Variants in EPHB3 observed in about 807,000 individuals in gnomAD.
EPHB3 encodes the protein EPH receptor B3, also known as ephrin type-B receptor 3.
A neutral mutation model predicts 100.2 loss-of-function variants in EPHB3; 33 were observed. That is an observed-to-expected ratio of 0.33 (90% CI 0.25 to 0.44). EPHB3 has a LOEUF of 0.44. EPHB3 is among the 20% of genes least tolerant of loss of function. The pLI is 1.00. For missense variants in EPHB3, 1,045 were observed against 1,378.3 expected (o/e 0.76, Z 3.83); for synonymous variants, 526 against 554.7 (o/e 0.95, Z 0.73).
Position 184,578,539 on chromosome 3 carries a change from C to T in EPHB3, c.1801+73C>T. The T allele has an allele frequency of 6.3e-7, 1 of 1,588,804 alleles. No individual in the cohort carries two copies. Among genetic ancestry groups the T allele is most frequent in the South Asian group, 1.1e-5 (1 of 90,084 alleles). ...GGGCTCTCAGACACCCTTCTCCCTG[C>T]CTGGGACTTCATTCCTTAGAGATAA... On this transcript the variant is annotated intron_variant, in intron 9 of 15. Transcript: ENST00000330394. The surrounding 1 kb of genome is among the most constrained non-coding windows in gnomAD (Gnocchi z 4.7).
At position 184,563,249 on chromosome 3, in the gene EPHB3, G is replaced by A. The variant is rs1714305077; in HGVS notation, c.118+896G>A. Reference sequence around the variant, plus strand: ...GCCCCAACACCAGCCACAAACAATAGGGAGGCCCACACACACTCACGCCCC... The same window carrying A: ...GCCCCAACACCAGCCACAAACAATAAGGAGGCCCACACACACTCACGCCCC... On this transcript the variant is annotated intron_variant, in intron 1 of 15. Coordinates refer to ENST00000330394, the MANE Select transcript of EPHB3 (RefSeq NM_004443.4). This position sits in a 1 kb window ranked among gnomAD's most constrained non-coding sequence, Gnocchi z 4.1. 6.6e-6 allele frequency among the ~76,000 whole-genome samples: 1 copy of A among 152,142 alleles called. No homozygotes were observed. Among genetic ancestry groups the A allele is most frequent in the African/African-American group, 2.4e-5 (1 of 41,430 alleles).
In EPHB3 at chr3:184,573,825, C is replaced by G. The variant is rs1327041218; in HGVS notation, c.856+649C>G. Among the ~76,000 whole-genome samples, 1 of 151,128 alleles carries G rather than the reference C, an allele frequency of 6.6e-6. No individual in the cohort carries two copies. The highest frequency in any genetic ancestry group is 1.5e-5 in the Non-Finnish European group (1 of 67,930). On this transcript the variant is annotated intron_variant, in intron 3 of 15. Coordinates refer to ENST00000330394, the MANE Select transcript of EPHB3 (RefSeq NM_004443.4). This position sits in a 1 kb window ranked among gnomAD's most constrained non-coding sequence, Gnocchi z 4.5. ...CTCCACCTCCCAGGTTCAAACAATT[C>G]TCCTGCCTCAGCCTCCTGAGTAGTT...
Position 184,578,575 on chromosome 3 carries a change from C to A in EPHB3, c.1801+109C>A. 4.3e-6 allele frequency: 6 copies of A among 1,393,442 alleles called. No homozygotes were observed. Among genetic ancestry groups the A allele is most frequent in the Non-Finnish European group, 6.0e-6 (6 of 1,003,620 alleles). The allele number at this position is 1,393,442 out of a possible 1,614,324, so 86.3% of individuals were successfully genotyped here. A position where few individuals can be genotyped will look rare whatever the true frequency, so the allele number is the denominator to read the frequency against. ...ATTCCTTAGAGATAAACCCTGAATG[C>A]CCCCTCCCACTTCCAGTCAAGTGGC... On this transcript the variant is annotated intron_variant, in intron 9 of 15. Transcript: ENST00000330394. The surrounding 1 kb of genome is among the most constrained non-coding windows in gnomAD (Gnocchi z 4.7).
chr3:184,577,100 A>T lies in EPHB3; in HGVS notation c.1271A>T (p.Glu424Val), dbSNP rs569320067. 1.4e-5 allele frequency: 22 copies of T among 1,613,288 alleles called. No homozygotes were observed. The South Asian group carries it at 2.2e-4, about 16-fold the overall frequency. ...HLLAHTRYTF[E>V]VQAVNGVSGK... ...CTGGCCCACACGCGCTACACCTTTGAGGTGCAGGCGGTCAACGGTGTCTCG... is the reference window on the plus strand; with the variant it reads ...CTGGCCCACACGCGCTACACCTTTGTGGTGCAGGCGGTCAACGGTGTCTCG... Residue 424 changes from glutamate (E) to valine (V), a missense_variant, in exon 5 of 16, where the codon GAG becomes GTG. Physicochemically the swap from Glu to Val is moderately radical, Grantham distance 121. This residue lies in a region of EPHB3 where 985 missense variants were observed against 1,331.1 expected (regional missense o/e 0.74). Transcript: ENST00000330394. The surrounding 1 kb of genome is among the most constrained non-coding windows in gnomAD (Gnocchi z 4.9).
At chr3:184,566,409 C>G (rs1420484388) in intron 1 of EPHB3, among the ~76,000 whole-genome samples, 1 of 152,254 alleles carries the variant, frequency 6.6e-6, no homozygotes, top group Non-Finnish European at 1.5e-5. Flanking sequence ...GTTCCCCCCA[C>G]CCCATCCCAG....
chr3:184,564,672 G>A (rs544056446), intron 1 of EPHB3, among the ~76,000 whole-genome samples: 1 of 152,184 alleles, frequency 6.6e-6, no homozygotes, highest in Non-Finnish European at 1.5e-5. Context: ...GGTGCAGGGG[G>A]CTGGGGGTGG....
At chr3:184,575,706 C>T (rs1714657959) in intron 3 of EPHB3, 124 bp from the exon 4 acceptor site, 1 of 1,231,252 alleles carries the variant, frequency 8.1e-7, no homozygotes, top group Non-Finnish European at 1.1e-6. Flanking sequence ...GCATTGCCCC[C>T]ACAGTCTAGG....
rs774211642 is a variant in EPHB3, at chr3:184,577,457, A to T, written c.1469A>T (p.Tyr490Phe). ...GTCATCCTGGACTACGAGATGAAGT[A>T]CTTTGAGAAGGTCAGAACCTCAAGG... Reference protein sequence around the residue: ...NGVILDYEMKYFEKSEGIAST... With the variant: ...NGVILDYEMKFFEKSEGIAST... Residue 490 changes from tyrosine (Y) to phenylalanine (F), a missense_variant, in exon 6 of 16, where the codon TAC (tyrosine) becomes TTC (phenylalanine). Around this residue, in one of 2 missense-constraint regions of EPHB3, gnomAD observed 985 missense variants for 1,331.1 expected, o/e 0.74. Transcript: ENST00000330394. The surrounding 1 kb of genome is among the most constrained non-coding windows in gnomAD (Gnocchi z 4.9). 1.9e-6 allele frequency: 3 copies of T among 1,614,032 alleles called. No individual in the cohort carries two copies. The highest frequency in any genetic ancestry group is 1.7e-4 in the Middle Eastern group (1 of 6,060).
rs1381458799 is a variant in EPHB3 at position 184,568,602 on chromosome 3, CA to C, written c.119-2715del. Among the ~76,000 whole-genome samples the C allele has an allele frequency of 7.8e-3, 1,119 of 143,402 alleles. 7 individuals carry two copies. Among genetic ancestry groups the C allele is most frequent in the African/African-American group, 0.019 (745 of 38,824 alleles). The allele number at this position is 143,402 out of a possible 152,430, so 94.1% of individuals were successfully genotyped here. ...CAGATGGGTTCTATGACCCCCCCCC[CA>C]CATCCCCCTCACCTCCTGCCGAAGG... is the stretch of plus-strand genomic sequence containing the variant. On this transcript the variant is annotated intron_variant, in intron 1 of 15. Coordinates refer to ENST00000330394, the MANE Select transcript of EPHB3 (RefSeq NM_004443.4).
Position 184,580,775 on chromosome 3 carries a change from A to G in EPHB3, c.2435A>G (p.Tyr812Cys). 2 of 1,614,172 alleles carry G rather than the reference A, an allele frequency of 1.2e-6. No individual in the cohort carries two copies. The highest frequency in any genetic ancestry group is 1.7e-6 in the Non-Finnish European group (2 of 1,180,008). ...IRWTAPEAIAYRKFTSASDVW... is the reference protein window; with the variant it reads ...IRWTAPEAIACRKFTSASDVW... ...TGGACTGCCCCAGAGGCCATAGCCT[A>G]TCGGAAGTTCACTTCTGCTAGTGAT... The change falls in exon 13 of 16, where the codon TAT becomes TGT. Residue 812 changes from tyrosine to cysteine, a missense_variant. Physicochemically the swap from Tyr to Cys is radical, Grantham distance 194. Around this residue, in one of 2 missense-constraint regions of EPHB3, gnomAD observed 985 missense variants for 1,331.1 expected, o/e 0.74. Coordinates refer to ENST00000330394, the MANE Select transcript of EPHB3 (RefSeq NM_004443.4).
At position 184,565,146 on chromosome 3, in the gene EPHB3, C is replaced by T. The variant is rs1430502736; in HGVS notation, c.118+2793C>T. On this transcript the variant is annotated intron_variant, in intron 1 of 15. Coordinates refer to ENST00000330394, the MANE Select transcript of EPHB3 (RefSeq NM_004443.4). This position sits in a 1 kb window ranked among gnomAD's most constrained non-coding sequence, Gnocchi z 4.8. Reference sequence around the variant, plus strand: ...CATCAGTTTTCCATGTGGATGGAGCCTGGGTCCTTGCTTGTCCTCGTGGTT... The same window carrying T: ...CATCAGTTTTCCATGTGGATGGAGCTTGGGTCCTTGCTTGTCCTCGTGGTT... 1.3e-5 allele frequency among the ~76,000 whole-genome samples: 2 copies of T among 152,142 alleles called. No individual in the cohort carries two copies. The highest frequency in any genetic ancestry group is 4.8e-5 in the African/African-American group (2 of 41,428).
rs1228704919 is a variant in EPHB3, at chr3:184,571,120, A to G, written c.119-198A>G. On this transcript the variant is annotated intron_variant, in intron 1 of 15. Coordinates refer to ENST00000330394, the MANE Select transcript of EPHB3 (RefSeq NM_004443.4). The surrounding 1 kb of genome is among the most constrained non-coding windows in gnomAD (Gnocchi z 5.0). ...ACAGGCGTGCGCCACCAGCCTGGCT[A>G]ATTTTGTATTTTTAGTAGAGATGGG... Among the ~76,000 whole-genome samples the G allele has an allele frequency of 1.3e-5, 2 of 151,618 alleles. No individual in the cohort carries two copies. Among genetic ancestry groups the G allele is most frequent in the Non-Finnish European group, 2.9e-5 (2 of 67,906 alleles).
rs1162284145 is a variant in EPHB3, at chr3:184,580,534, A to G, written c.2305A>G (p.Asn769Asp). 6.2e-7 allele frequency: 1 copy of G among 1,614,186 alleles called. No individual in the cohort carries two copies. Among genetic ancestry groups the G allele is most frequent in the Non-Finnish European group, 8.5e-7 (1 of 1,180,012 alleles). Residue 769 changes from asparagine (N) to aspartate (D), a missense_variant, in exon 12 of 16, where the codon AAC (asparagine) becomes GAC (aspartate). Physicochemically the swap from Asn to Asp is conservative, Grantham distance 23. This residue lies in a region of EPHB3 where 985 missense variants were observed against 1,331.1 expected (regional missense o/e 0.74). Transcript: ENST00000330394. ...TGCTCGCAACATCCTTGTCAACAGC[A>G]ACCTGGTCTGCAAAGTCTCAGACTT... is the stretch of plus-strand genomic sequence containing the variant. ...LAARNILVNS[N>D]LVCKVSDFGL...
chr3:184,579,873 G>A lies in EPHB3; in HGVS notation c.2111G>A (p.Ser704Asn), dbSNP rs746516826. 6.2e-7 allele frequency: 1 copy of A among 1,613,704 alleles called. No homozygotes were observed. ...IIRLEGVVTK[S>N]RPVMILTEFM... ...CGGCTCGAGGGCGTGGTCACCAAAA[G>A]TCGGCCAGTTATGATCCTCACTGAG... The change falls in exon 11 of 16, where the codon AGT becomes AAT. Residue 704 changes from serine (S) to asparagine (N), a missense_variant. Ser to Asn is a conservative substitution (Grantham distance 46). Around this residue, in one of 2 missense-constraint regions of EPHB3, gnomAD observed 985 missense variants for 1,331.1 expected, o/e 0.74. Coordinates refer to ENST00000330394, the MANE Select transcript of EPHB3 (RefSeq NM_004443.4). This position sits in a 1 kb window ranked among gnomAD's most constrained non-coding sequence, Gnocchi z 5.2.
In EPHB3 at chr3:184,578,327, C is replaced by T. The variant is rs192700552; in HGVS notation, c.1749-87C>T. ...CCCAGGCCATCCCCTGTATCCTCTC[C>T]GCCCCTTCTGTGAGCCCAAGGGTGC... On this transcript the variant is annotated intron_variant, in intron 8 of 15. Coordinates refer to ENST00000330394, the MANE Select transcript of EPHB3 (RefSeq NM_004443.4). The surrounding 1 kb of genome is among the most constrained non-coding windows in gnomAD (Gnocchi z 4.7). The T allele has an allele frequency of 2.0e-3, 3,173 of 1,585,010 alleles. 8 individuals are homozygous for T. Among genetic ancestry groups the T allele is most frequent in the Non-Finnish European group, 2.3e-3 (2,700 of 1,158,026 alleles).
chr3:184,576,979 G>A lies in EPHB3; in HGVS notation c.1150G>A (p.Gly384Arg), dbSNP rs201958581. 2 of 1,613,518 alleles carry A rather than the reference G, an allele frequency of 1.2e-6. No homozygotes were observed. The highest frequency in any genetic ancestry group is 1.3e-5 in the African/African-American group (1 of 75,056). ...NVICKKCHGAGGASACSRCDD... is the reference protein window; with the variant it reads ...NVICKKCHGARGASACSRCDD... ...CATCTGCAAGAAGTGCCATGGGGCT[G>A]GAGGGGCCTCAGCCTGCTCACGCTG... Residue 384 changes from glycine (G) to arginine (R), a missense_variant, in exon 5 of 16, where the codon GGA (glycine) becomes AGA (arginine). This residue lies in a region of EPHB3 where 985 missense variants were observed against 1,331.1 expected (regional missense o/e 0.74). Transcript: ENST00000330394.
In EPHB3 at chr3:184,571,453, C is replaced by T. The variant is rs1714537923; in HGVS notation, c.183+71C>T. 4 of 1,545,592 alleles carry T rather than the reference C, an allele frequency of 2.6e-6. No homozygotes were observed. The highest frequency in any genetic ancestry group is 3.5e-4 in the Middle Eastern group (2 of 5,794). On this transcript the variant is annotated intron_variant, in intron 2 of 15. Transcript: ENST00000330394. This position sits in a 1 kb window ranked among gnomAD's most constrained non-coding sequence, Gnocchi z 5.0. The stretch of plus-strand genomic sequence containing the variant: ...CTCCCCCCACTTCCAGCCTCCGTGC[C>T]CCCTCATCTCACCAGGGCCTGGAGG...
intron 1 of EPHB3, among the ~76,000 whole-genome samples, chr3:184,568,726 G>A (rs567367393): frequency 1.3e-5 from 2 of 152,212 alleles, no homozygotes; most frequent in East Asian, 3.9e-4. Flanking sequence ...CCTGAGAAAC[G>A]GGGAAACCGA....
At position 184,580,326 on chromosome 3, in the gene EPHB3, G is replaced by A. The variant is rs975553797; in HGVS notation, c.2173-76G>A. On this transcript the variant is annotated intron_variant, in intron 11 of 15. Coordinates refer to ENST00000330394, the MANE Select transcript of EPHB3 (RefSeq NM_004443.4). Reference sequence around the variant, plus strand: ...GAGACGAGGTAGAGTCTGAGTACTCGGAGAGGGAAGGCAGGTGGGCAGGCC... The same window carrying A: ...GAGACGAGGTAGAGTCTGAGTACTCAGAGAGGGAAGGCAGGTGGGCAGGCC... 29 of 1,583,280 alleles carry A rather than the reference G, an allele frequency of 1.8e-5. No homozygotes were observed. In the East Asian group the frequency reaches 2.5e-4, roughly 13 times the overall value.
Sources: allele counts gnomAD v4.1 joint callset (sites outside exome capture counted in the v4.1 genomes callset), GRCh38; gene constraint gnomAD v4.1.1; regional missense constraint gnomAD v4.1.1; non-coding constraint Gnocchi (gnomAD v3.1); transcripts MANE v1.5; gene names NCBI Gene and HGNC (gene_info 2026-07-23, HGNC 2026-07-21).